The following CAST variants were observed in gnomAD, a reference collection of about 807,000 sequenced individuals.
CAST encodes the protein calpastatin.
In CAST, 76 loss-of-function variants were observed where a neutral mutation model predicts 119.6. The observed-to-expected ratio is 0.64, with a 90% CI of 0.53 to 0.77. CAST has a LOEUF of 0.77. Among genes scored for constraint, CAST ranks in the 30% least tolerant of loss-of-function variants. CAST has a pLI of 0.00. For synonymous variants in CAST, 319 were observed against 331.6 expected (o/e 0.96, Z 0.41); for missense variants, 953 against 946.5 (o/e 1.01, Z -0.09).
chr5:96,552,594 C>T (rs1052169835), intron 1 of CAST, among the ~76,000 whole-genome samples: 10 of 152,034 alleles, frequency 6.6e-5, no homozygotes, highest in East Asian at 5.8e-4. Context: ...GAGATAGAGA[C>T]ACAAAAAGCC....
intron 1 of CAST, among the ~76,000 whole-genome samples, chr5:96,552,634 G>C (rs919687195): frequency 1.3e-5 from 2 of 152,056 alleles, no homozygotes; most frequent in Non-Finnish European, 2.9e-5. Context: ...ACAGGAGCTG[G>C]TTTTTGAAAA....
chr5:96,314,027 C>T, the CAST span, among the ~76,000 whole-genome samples: 1 of 152,094 alleles, frequency 6.6e-6, no homozygotes, highest in Non-Finnish European at 1.5e-5. Flanking sequence ...GTATGCAGTA[C>T]CCAAATATAC....
the CAST span, among the ~76,000 whole-genome samples, chr5:96,271,803 T>A: frequency 1.3e-5 from 2 of 152,110 alleles, no homozygotes; most frequent in Admixed American, 1.3e-4. Flanking sequence ...AAGGAAACAA[T>A]TAACAAAGTG....
At chr5:96,204,496 A>G in the CAST span, among the ~76,000 whole-genome samples, 1 of 152,042 alleles carries the variant, frequency 6.6e-6, no homozygotes, top group Non-Finnish European at 1.5e-5. Context: ...CTAATTCCAC[A>G]CAGTAGAAAC....
intron 3 of CAST, among the ~76,000 whole-genome samples, chr5:96,702,399 A>G (rs966174189): frequency 1.3e-5 from 2 of 152,210 alleles, no homozygotes; most frequent in African/African-American, 4.8e-5. Flanking sequence ...TAGAATTCTT[A>G]CTGTTAAACT....
At chr5:95,974,288 G>C in the CAST span, among the ~76,000 whole-genome samples, 1 of 152,122 alleles carries the variant, frequency 6.6e-6, no homozygotes, top group African/African-American at 2.4e-5. Flanking sequence ...ATAGACCTAG[G>C]CTGAATGGTG....
the CAST span, among the ~76,000 whole-genome samples, chr5:96,413,234 A>T: frequency 1.4e-4 from 22 of 152,174 alleles, no homozygotes; most frequent in Admixed American, 4.6e-4. Flanking sequence ...AAGGGGAATC[A>T]TTTTTCATCA....
chr5:96,323,222 G>A, the CAST span, among the ~76,000 whole-genome samples: 2 of 152,296 alleles, frequency 1.3e-5, no homozygotes, highest in East Asian at 3.9e-4. Flanking sequence ...TCTGTCACTT[G>A]TCTCTGTGTA....
rs201772784 is a variant in CAST, at chr5:96,743,751, T to C, written c.1200+995T>C. 508 of 1,556,996 alleles carry C rather than the reference T, an allele frequency of 3.3e-4. 6 individuals are homozygous for C. In the South Asian group the frequency reaches 5.3e-3, roughly 16 times the overall value. On this transcript the variant is annotated intron_variant, in intron 16 of 31. Transcript: ENST00000675179. ...GTTCGTATCTTCCAGGACCAAGTAATGTATTGGGAAGAAGGGAAACTTGAT... is the reference window on the plus strand; with the variant it reads ...GTTCGTATCTTCCAGGACCAAGTAACGTATTGGGAAGAAGGGAAACTTGAT...
rs769862247 is a variant in CAST, at chr5:96,754,546, G to GA, written c.1627-112_1627-111insA. 843 of 704,832 alleles carry GA rather than the reference G, an allele frequency of 1.2e-3. 2 individuals carry two copies. The highest frequency in any genetic ancestry group is 1.5e-3 in the Non-Finnish European group (583 of 396,548). 43.7% of individuals were successfully genotyped at this position (704,832 alleles called of 1,614,324 possible). A position where few individuals can be genotyped will look rare whatever the true frequency, so the allele number is the denominator to read the frequency against. ...AGGAGCACTAAGCATACGGTCATAT[G>GA]TACTTCCTAACCTAATGATAGATTT... On this transcript the variant is annotated intron_variant, in intron 21 of 31. Transcript: ENST00000675179.
At chr5:96,429,781 G>A in the CAST span, among the ~76,000 whole-genome samples, 3 of 152,130 alleles carry the variant, frequency 2.0e-5, no homozygotes, top group Admixed American at 1.3e-4. Context: ...CATGAAGAAG[G>A]CACTGATAGA....
the CAST span, among the ~76,000 whole-genome samples, chr5:96,518,254 G>C: frequency 6.6e-6 from 1 of 152,174 alleles, no homozygotes; most frequent in South Asian, 2.1e-4. Flanking sequence ...ACATCAACTT[G>C]AACCTCATAC....
At chr5:96,396,398 T>C in the CAST span, among the ~76,000 whole-genome samples, 1 of 151,932 alleles carries the variant, frequency 6.6e-6, no homozygotes, top group Non-Finnish European at 1.5e-5. Context: ...CCATTTCTAC[T>C]AAAAATACAA....
chr5:96,697,484 T>A, intron 3 of CAST, among the ~76,000 whole-genome samples: 1 of 152,322 alleles, frequency 6.6e-6, no homozygotes, highest in Non-Finnish European at 1.5e-5. Context: ...TTAAGACCCG[T>A]GCCTTTTAAA....
chr5:96,491,358 G>T, the CAST span, among the ~76,000 whole-genome samples: 1 of 150,596 alleles, frequency 6.6e-6, no homozygotes, highest in African/African-American at 2.4e-5. Context: ...GGGTGTGGTG[G>T]CGGGCGCCTG....
the CAST span, among the ~76,000 whole-genome samples, chr5:96,006,057 T>G: frequency 6.6e-6 from 1 of 152,224 alleles, no homozygotes; most frequent in African/African-American, 2.4e-5. Flanking sequence ...ATACGATTTT[T>G]AAAATGATGA....
chr5:96,069,365 GTGTGTGTGTGTGTGTGTCTA>G, the CAST span, among the ~76,000 whole-genome samples: 17 of 101,264 alleles, frequency 1.7e-4, no homozygotes, highest in Admixed American at 5.6e-4. Context: ...ATGTGTGTGT[GTGTGTGTGTGTGTGTGTCTA>G]TGTGTGTGTG....
At chr5:96,381,104 G>A in the CAST span, among the ~76,000 whole-genome samples, 2 of 152,146 alleles carry the variant, frequency 1.3e-5, no homozygotes, top group South Asian at 2.1e-4. Flanking sequence ...TATTGCAGCA[G>A]GTTGAATGCT....
chr5:96,710,641 T>C (rs1755935265), intron 3 of CAST, among the ~76,000 whole-genome samples: 1 of 152,174 alleles, frequency 6.6e-6, no homozygotes, highest in Admixed American at 6.5e-5. Flanking sequence ...TTACATTCAT[T>C]GCCAGCAATA....
Sources: allele counts gnomAD v4.1 joint callset (sites outside exome capture counted in the v4.1 genomes callset), GRCh38; gene constraint gnomAD v4.1.1; transcripts MANE v1.5; gene names NCBI Gene and HGNC (gene_info 2026-07-23, HGNC 2026-07-21).